KMT5B: variants seen among roughly 807,000 people sequenced by gnomAD.
The protein encoded by KMT5B is lysine methyltransferase 5B.
In KMT5B, 10 loss-of-function variants were observed where a neutral mutation model predicts 83.2. That is an observed-to-expected ratio of 0.12 (90% CI 0.07 to 0.20). The LOEUF (loss-of-function observed/expected upper bound fraction) is 0.20. KMT5B is among the 10% of genes least tolerant of loss of function. The probability of loss-of-function intolerance (pLI) is 1.00; values close to 1 mark genes in which losing one functional copy is unlikely to be tolerated. For missense variants in KMT5B, 753 were observed against 1,067.2 expected, an observed-to-expected ratio of 0.71 and a Z score of 4.10; for synonymous variants, 349 against 388.8, an observed-to-expected ratio of 0.90 and a Z score of 1.20.
At chr11:68,174,987 A>C in intron 5 of KMT5B, 31 bp downstream of exon 5, 1 of 1,582,242 alleles carries the variant, frequency 6.3e-7, no homozygotes, top group South Asian at 1.1e-5. Flanking sequence ...TTATCCAAAT[A>C]GGTTAACAGC....
Position 68,157,706 on chromosome 11 carries a change from A to G in KMT5B, c.2640T>C (p.Ser880=). ...CAAGAGCTTAGGCATTAAGCCTTAA[A>G]GACTGATCTTCTCTTCTCCTTGAAG... The part of the protein sequence containing the change: ...DISSRRREDQ[S]LRLNA Residue 880 remains serine (S), a synonymous_variant, in exon 11 of 11, where the codon TCT becomes TCC. Coordinates refer to ENST00000304363, the MANE Select transcript of KMT5B (RefSeq NM_017635.5). The G allele has an allele frequency of 6.3e-7, 1 of 1,587,194 alleles. No homozygotes were observed. Among genetic ancestry groups the G allele is most frequent in the South Asian group, 1.2e-5 (1 of 86,836 alleles).
At chr11:68,185,484 A>G (rs962633925) in intron 3 of KMT5B, among the ~76,000 whole-genome samples, 5 of 152,254 alleles carry the variant, frequency 3.3e-5, no homozygotes, top group African/African-American at 1.2e-4. Context: ...TGGGGATTAC[A>G]GGCGTGAGCC....
chr11:68,179,866 G>T, intron 4 of KMT5B: 1 of 423,376 alleles, frequency 2.4e-6, no homozygotes, highest in Non-Finnish European at 4.2e-6. Context: ...ATACCTGGCT[G>T]AGTCCTGCAA....
chr11:68,196,970 CTTT>C (rs925741065), intron 1 of KMT5B, among the ~76,000 whole-genome samples: 25 of 146,210 alleles, frequency 1.7e-4, no homozygotes, highest in Admixed American at 4.8e-4. Flanking sequence ...CATGGAGAGT[CTTT>C]TTTTTTTTCT....
rs527867603 is a variant in KMT5B at position 68,187,785 on chromosome 11, A to C, written c.161-1857T>G. ...GTTGATTTTTCCCTTCAATTTTGTC[A>C]GTTTTTCTTTCCTGTATCTTAAGGC... On this transcript the variant is annotated intron_variant, in intron 2 of 10. Transcript: ENST00000304363. Among the ~76,000 whole-genome samples the C allele has an allele frequency of 1.6e-4, 25 of 152,234 alleles. No individual in the cohort carries two copies. The East Asian group carries it at 4.8e-3, about 29-fold the overall frequency.
In KMT5B at chr11:68,197,349, T is replaced by C. The variant is rs1858846926; in HGVS notation, c.-76-7197A>G. ...AATTTGGGGATGAGGCCCAGCAATCTGTGTTGTAGTAAGACCTCCAGGTGA... is the reference window on the plus strand; with the variant it reads ...AATTTGGGGATGAGGCCCAGCAATCCGTGTTGTAGTAAGACCTCCAGGTGA... On this transcript the variant is annotated intron_variant, in intron 1 of 10. Coordinates refer to ENST00000304363, the MANE Select transcript of KMT5B (RefSeq NM_017635.5). Among the ~76,000 whole-genome samples the C allele has an allele frequency of 3.3e-5, 5 of 152,292 alleles. No individual in the cohort carries two copies. The South Asian group carries it at 1.0e-3, about 32-fold the overall frequency.
chr11:68,212,149 A>G (rs1485923914), intron 1 of KMT5B, among the ~76,000 whole-genome samples: 1 of 152,228 alleles, frequency 6.6e-6, no homozygotes, highest in Non-Finnish European at 1.5e-5. Flanking sequence ...GAAAAAAGTT[A>G]TAGCTGGCAA....
chr11:68,173,018 C>T (rs778391832), intron 6 of KMT5B, among the ~76,000 whole-genome samples: 6 of 152,064 alleles, frequency 3.9e-5, no homozygotes, highest in Non-Finnish European at 8.8e-5. Context: ...TCATCTGTAA[C>T]TTTTATCCCT....
At chr11:68,170,142 G>A (rs915335808) in intron 9 of KMT5B, among the ~76,000 whole-genome samples, 1 of 152,184 alleles carries the variant, frequency 6.6e-6, no homozygotes, top group Non-Finnish European at 1.5e-5. Flanking sequence ...TGGGAGAAGT[G>A]ACACTAATAA....
At chr11:68,173,361 A>G (rs975619455) in intron 6 of KMT5B, among the ~76,000 whole-genome samples, 1 of 152,142 alleles carries the variant, frequency 6.6e-6, no homozygotes, top group Non-Finnish European at 1.5e-5. Context: ...TTTTTATTGA[A>G]GCTGGCATAT....
intron 1 of KMT5B, among the ~76,000 whole-genome samples, chr11:68,197,266 C>A (rs1314912076): frequency 6.6e-6 from 1 of 152,150 alleles, no homozygotes; most frequent in African/African-American, 2.4e-5. Context: ...AGCCACCACG[C>A]CCGGCCATGG....
At position 68,190,150 on chromosome 11, in the gene KMT5B, C is replaced by T; in HGVS notation, c.-74G>A. The stretch of plus-strand genomic sequence containing the variant: ...GCTTAGAGAATACTTTCAATGTTCT[C>T]TCCTAACAGAAACAAAATATGAAAA... On this transcript the variant is annotated splice_region_variant and 5_prime_UTR_variant, in exon 2 of 11. Coordinates refer to ENST00000304363, the MANE Select transcript of KMT5B (RefSeq NM_017635.5). 7.2e-7 allele frequency: 1 copy of T among 1,393,484 alleles called. No homozygotes were observed. The allele number at this position is 1,393,484 out of a possible 1,614,324, so 86.3% of individuals were successfully genotyped here. A position where few individuals can be genotyped will look rare whatever the true frequency, so the allele number is the denominator to read the frequency against.
chr11:68,158,129 G>C lies in KMT5B; in HGVS notation c.2217C>G (p.Asn739Lys). The change falls in exon 11 of 11, where the codon AAC becomes AAG. Residue 739 changes from asparagine to lysine, a missense_variant. Transcript: ENST00000304363. ...KTNDQENDGM[N>K]SSKISIKLSK... ...TTAACTTGATGCTTATTTTGGAAGA[G>C]TTCATTCCATCATTCTCTTGGTCAT... is the stretch of plus-strand genomic sequence containing the variant. 6.2e-7 allele frequency: 1 copy of C among 1,614,184 alleles called. No homozygotes were observed. Among genetic ancestry groups the C allele is most frequent in the Non-Finnish European group, 8.5e-7 (1 of 1,180,046 alleles).
rs1894203 is a variant in KMT5B at position 68,162,577 on chromosome 11, G to C, written c.1175-3406C>G. Among the ~76,000 whole-genome samples, 698 of 152,162 alleles carry C rather than the reference G, an allele frequency of 4.6e-3. 9 individuals carry two copies. Among genetic ancestry groups the C allele is most frequent in the African/African-American group, 0.015 (643 of 41,516 alleles). On this transcript the variant is annotated intron_variant, in intron 10 of 10. Transcript: ENST00000304363. ...TCCTTGGTACTTCTTATTTTCACCC[G>C]TTGGATGACTCCCATTTTATGGTGA...
rs1859283725 is a variant in KMT5B at position 68,156,186 on chromosome 11, T to C, written c.*1502A>G. ...ATAGACACTATACAAATCCCCTGAA[T>C]TGATTTTTACTTAGGAACACTGTAT... On this transcript the variant is annotated 3_prime_UTR_variant, in exon 11 of 11. Transcript: ENST00000304363. The C allele has an allele frequency of 6.6e-6, 1 of 152,240 alleles. No individual in the cohort carries two copies. The highest frequency in any genetic ancestry group is 1.5e-5 in the Non-Finnish European group (1 of 68,042). The allele number at this position is 152,240 out of a possible 1,614,324, so 9.4% of individuals were successfully genotyped here. A position where few individuals can be genotyped will look rare whatever the true frequency, so the allele number is the denominator to read the frequency against.
intron 9 of KMT5B, among the ~76,000 whole-genome samples, chr11:68,167,468 T>C (rs1855419952): frequency 6.6e-6 from 1 of 151,638 alleles, no homozygotes; most frequent in South Asian, 2.1e-4. Flanking sequence ...TTTTTTTTTT[T>C]TTTTGAGACA....
At chr11:68,203,718 G>C (rs1250864249) in intron 1 of KMT5B, among the ~76,000 whole-genome samples, 1 of 152,200 alleles carries the variant, frequency 6.6e-6, no homozygotes, top group Non-Finnish European at 1.5e-5. Flanking sequence ...TGTCTCACCT[G>C]AGAAGCTAGG....
chr11:68,161,370 T>C (rs1854849451), intron 10 of KMT5B, among the ~76,000 whole-genome samples: 1 of 152,190 alleles, frequency 6.6e-6, no homozygotes, highest in Non-Finnish European at 1.5e-5. Flanking sequence ...CTCTCAGATG[T>C]GGCTACGATG....
chr11:68,201,219 A>C (rs1859402173), intron 1 of KMT5B, among the ~76,000 whole-genome samples: 2 of 152,234 alleles, frequency 1.3e-5, no homozygotes, highest in Admixed American at 1.3e-4. Flanking sequence ...CCAAATCACC[A>C]GTGCTACCGT....
Sources: allele counts gnomAD v4.1 joint callset (sites outside exome capture counted in the v4.1 genomes callset), GRCh38; gene constraint gnomAD v4.1.1; transcripts MANE v1.5; gene names NCBI Gene and HGNC (gene_info 2026-07-23, HGNC 2026-07-21).